Variants in UMODL1 observed in about 807,000 individuals in gnomAD.
The protein encoded by UMODL1 is uromodulin-like 1.
In UMODL1, 128 loss-of-function variants were observed where a neutral mutation model predicts 136.3. The observed-to-expected ratio is 0.94, with a 90% CI of 0.81 to 1.09. The LOEUF (loss-of-function observed/expected upper bound fraction) is 1.09, where lower values mean the gene tolerates loss of function less well. Among genes scored for constraint, UMODL1 ranks in the 50% least tolerant of loss-of-function variants. The probability of loss-of-function intolerance (pLI) is 0.00; values close to 1 mark genes in which losing one functional copy is unlikely to be tolerated. For missense variants in UMODL1, 1,766 were observed against 1,725.6 expected (o/e 1.02, Z -0.41); for synonymous variants, 721 against 720.0 (o/e 1.00, Z -0.02).
intron 22 of UMODL1, among the ~76,000 whole-genome samples, chr21:42,137,872 C>T (rs930417195): frequency 6.6e-6 from 1 of 151,302 alleles, no homozygotes; most frequent in Non-Finnish European, 1.5e-5. Context: ...TGGGGACGGC[C>T]AGCAGGATTC....
intron 17 of UMODL1, among the ~76,000 whole-genome samples, chr21:42,125,373 G>A (rs1205825435): frequency 1.3e-5 from 2 of 152,104 alleles, no homozygotes; most frequent in Non-Finnish European, 2.9e-5. Context: ...AGGGATTCAC[G>A]TGGACGCGTC....
intron 15 of UMODL1, chr21:42,120,553 G>A (rs1052820852): frequency 7.9e-5 from 12 of 152,344 alleles, no homozygotes; most frequent in African/African-American, 2.9e-4. Context: ...GCAGAGGCAA[G>A]CTATGCTCTC....
chr21:42,129,636 A>C, intron 20 of UMODL1, 77 bp from the exon 21 acceptor site: 5 of 1,333,038 alleles, frequency 3.8e-6, no homozygotes, highest in Non-Finnish European at 5.1e-6. Context: ...TCACATTAGC[A>C]TCCTTGATAG....
intron 15 of UMODL1, 44 bp from the exon 16 acceptor site, chr21:42,121,043 C>A (rs74870598): frequency 8.2e-6 from 13 of 1,581,314 alleles, no homozygotes; most frequent in Non-Finnish European, 1.1e-5. Flanking sequence ...AGACCACAAG[C>A]CCCCAGGGAT....
chr21:42,115,875 G>A lies in UMODL1; in HGVS notation c.2365G>A (p.Ala789Thr), dbSNP rs375504850. The change falls in exon 14 of 23, where the codon GCC becomes ACC. Residue 789 changes from alanine (A) to threonine (T), a missense_variant and splice_region_variant. By Grantham distance (58) the Ala-to-Thr change is moderately conservative (BLOSUM62 0). Transcript: ENST00000408910. ...ARAHLKVRTA[A>T]RKLIGKVRIK... ...TGTGCTTATCCTCCATCCTGCAGCAGCCCGGAAGCTCATTGGAAAGGTCAG... is the reference window on the plus strand; with the variant it reads ...TGTGCTTATCCTCCATCCTGCAGCAACCCGGAAGCTCATTGGAAAGGTCAG... 5.6e-6 allele frequency: 9 copies of A among 1,613,718 alleles called. No individual in the cohort carries two copies. The African/African-American group carries it at 8.0e-5, about 14-fold the overall frequency.
At chr21:42,103,699 G>T (rs1250938545) in intron 8 of UMODL1, 169 bp from the exon 9 acceptor site, 3 of 798,854 alleles carry the variant, frequency 3.8e-6, no homozygotes, top group East Asian at 5.4e-5. Flanking sequence ...CAGCTAAGGT[G>T]CTGTGAACGG....
At position 42,121,212 on chromosome 21, in the gene UMODL1, A is replaced by T; in HGVS notation, c.2815A>T (p.Arg939Ter). The T allele has an allele frequency of 6.2e-7, 1 of 1,612,272 alleles. No individual in the cohort carries two copies. The highest frequency in any genetic ancestry group is 2.2e-5 in the East Asian group (1 of 44,826). Residue 939 changes from arginine to a stop codon, truncating the protein, a stop_gained, in exon 16 of 23, where the codon AGA becomes TGA. Coordinates refer to ENST00000408910, the MANE Select transcript of UMODL1 (RefSeq NM_001004416.3). LOFTEE classifies it high-confidence loss of function. ...CGACTTCCCTGTGGAATATTCTGAG[A>T]GACCCTGTGAAGGTAATGTCGTCAG... ...APDFPVEYSE[R>*]PCEGDSPGNE...
chr21:42,130,926 C>T (rs1162002674), intron 21 of UMODL1, among the ~76,000 whole-genome samples: 1 of 151,962 alleles, frequency 6.6e-6, no homozygotes, highest in African/African-American at 2.4e-5. Context: ...TCTCCTGCTT[C>T]CTACTCAGTC....
At chr21:42,112,722 C>T (rs1457352280) in intron 12 of UMODL1, among the ~76,000 whole-genome samples, 1 of 152,102 alleles carries the variant, frequency 6.6e-6, no homozygotes, top group Non-Finnish European at 1.5e-5. Flanking sequence ...AGCTGTTCTT[C>T]ACCCCAGATA....
rs111282318 is a variant in UMODL1 at position 42,097,490 on chromosome 21, G to T, written c.932-1436G>T. Among the ~76,000 whole-genome samples, 270 of 152,320 alleles carry T rather than the reference G, an allele frequency of 1.8e-3. 1 individual carries two copies. The highest frequency in any genetic ancestry group is 3.4e-3 in the Non-Finnish European group (229 of 68,028). On this transcript the variant is annotated intron_variant, in intron 6 of 22. Coordinates refer to ENST00000408910, the MANE Select transcript of UMODL1 (RefSeq NM_001004416.3). ...CCTCTCAGCAGCCAAGGCGCAAAGG[G>T]AAATGAGTTGGACAGTGTTGGGTTT...
At position 42,085,666 on chromosome 21, in the gene UMODL1, C is replaced by T. The variant is rs759586947; in HGVS notation, c.603+254C>T. Among the ~76,000 whole-genome samples the T allele has an allele frequency of 6.6e-6, 1 of 152,202 alleles. No individual in the cohort carries two copies. Among genetic ancestry groups the T allele is most frequent in the Non-Finnish European group, 1.5e-5 (1 of 68,034 alleles). ...TGTTATGTGTGTACCCTCATAGGCC[C>T]GCCTGTCGTGGTGGAGAACGCGGAT... On this transcript the variant is annotated intron_variant, in intron 4 of 22. Transcript: ENST00000408910. The surrounding 1 kb of genome is among the most constrained non-coding windows in gnomAD (Gnocchi z 4.5).
At chr21:42,116,838 G>C (rs1031539437) in intron 14 of UMODL1, among the ~76,000 whole-genome samples, 1 of 152,186 alleles carries the variant, frequency 6.6e-6, no homozygotes, top group African/African-American at 2.4e-5. Flanking sequence ...CACTTTGGGA[G>C]GCTGAGGTGG....
chr21:42,123,419 A>G lies in UMODL1; in HGVS notation c.3147+269A>G, dbSNP rs2067007051. Among the ~76,000 whole-genome samples, 1 of 152,200 alleles carries G rather than the reference A, an allele frequency of 6.6e-6. No homozygotes were observed. The highest frequency in any genetic ancestry group is 2.1e-4 in the South Asian group (1 of 4,834). ...GCTTAAAACTCCTCCCTGCACAGAC[A>G]GGATGAGAGGCAGTGGGACAGGAAG... On this transcript the variant is annotated intron_variant, in intron 17 of 22. Transcript: ENST00000408910. This position sits in a 1 kb window ranked among gnomAD's most constrained non-coding sequence, Gnocchi z 4.4.
intron 5 of UMODL1, among the ~76,000 whole-genome samples, chr21:42,089,752 A>G (rs1261778937): frequency 6.6e-6 from 1 of 152,146 alleles, no homozygotes; most frequent in Non-Finnish European, 1.5e-5. Context: ...ACTAATAATC[A>G]CTCATTTGGG....
chr21:42,113,323 C>T (rs1423868695), intron 12 of UMODL1, among the ~76,000 whole-genome samples: 2 of 151,682 alleles, frequency 1.3e-5, no homozygotes, highest in Admixed American at 1.3e-4. Flanking sequence ...TGTATATGAA[C>T]CATCTGCTGA....
chr21:42,092,108 G>C (rs1183109111), intron 6 of UMODL1, among the ~76,000 whole-genome samples: 1 of 152,248 alleles, frequency 6.6e-6, no homozygotes, highest in African/African-American at 2.4e-5. Context: ...GAAAGTGCCT[G>C]TGGGAACTAC....
Position 42,123,202 on chromosome 21 carries a change from T to G in UMODL1, c.3147+52T>G. 6.5e-7 allele frequency: 1 copy of G among 1,549,678 alleles called. No individual in the cohort carries two copies. Among genetic ancestry groups the G allele is most frequent in the Non-Finnish European group, 8.7e-7 (1 of 1,144,192 alleles). ...ATGTACACTAGGGCGCAAGGGGCTC[T>G]AGGTTACATGGGCCTCGATGTGGGA... On this transcript the variant is annotated intron_variant, in intron 17 of 22. Transcript: ENST00000408910. This position sits in a 1 kb window ranked among gnomAD's most constrained non-coding sequence, Gnocchi z 4.4.
At chr21:42,124,335 G>A (rs2067022651) in intron 17 of UMODL1, among the ~76,000 whole-genome samples, 1 of 152,162 alleles carries the variant, frequency 6.6e-6, no homozygotes, top group Non-Finnish European at 1.5e-5. Context: ...GGAGGGGCCG[G>A]CGGCTTCAGA....
chr21:42,092,929 T>C (rs1228925030), intron 6 of UMODL1, among the ~76,000 whole-genome samples: 2 of 152,226 alleles, frequency 1.3e-5, no homozygotes, highest in African/African-American at 4.8e-5. Context: ...AGGCTGGTCC[T>C]CTGAAGACGC....
Sources: gnomAD v4.1 joint callset for allele counts (sites outside exome capture counted in the v4.1 genomes callset) on GRCh38, gnomAD v4.1.1 for gene constraint, Gnocchi (gnomAD v3.1) non-coding constraint, MANE v1.5 for transcripts, NCBI Gene and HGNC (gene_info 2026-07-23, HGNC 2026-07-21) for gene names.